GADL1: variants seen among roughly 807,000 people sequenced by gnomAD.
GADL1 encodes the protein acidic amino acid decarboxylase GADL1.
A neutral mutation model predicts 69.5 loss-of-function variants in GADL1; 71 were observed. That is an observed-to-expected ratio of 1.02 (90% confidence interval 0.84 to 1.25). GADL1 has a LOEUF of 1.25. Ranked by LOEUF, GADL1 falls within the 50% of genes most tolerant of loss-of-function variation. The probability of loss-of-function intolerance (pLI) is 0.00; values close to 1 mark genes in which losing one functional copy is unlikely to be tolerated. For synonymous variants in GADL1, 254 were observed against 214.4 expected (o/e 1.18, Z -1.62); for missense variants, 737 against 631.8 (o/e 1.17, Z -1.79).
chr3:30,805,049 C>T (rs1310275533), intron 11 of GADL1, among the ~76,000 whole-genome samples: 1 of 152,190 alleles, frequency 6.6e-6, no homozygotes, highest in African/African-American at 2.4e-5. Flanking sequence ...TTTACTTTCC[C>T]TCTTTGCAAT....
chr3:30,805,827 G>T (rs567293643), intron 11 of GADL1, among the ~76,000 whole-genome samples: 4 of 149,412 alleles, frequency 2.7e-5, no homozygotes, highest in African/African-American at 9.9e-5. Context: ...TGGGGGAGAT[G>T]GTTTCAGGAA....
At chr3:30,812,579 C>G (rs1697378363) in intron 11 of GADL1, among the ~76,000 whole-genome samples, 1 of 152,104 alleles carries the variant, frequency 6.6e-6, no homozygotes, top group Non-Finnish European at 1.5e-5. Context: ...CTGGGTCCTC[C>G]CACAACACAA....
In GADL1 at chr3:30,854,269, G is replaced by A. The variant is rs527639992; in HGVS notation, c.428+430C>T. Among the ~76,000 whole-genome samples the A allele has an allele frequency of 2.4e-4, 37 of 152,242 alleles. No homozygotes were observed. The South Asian group carries it at 3.3e-3, about 14-fold the overall frequency. On this transcript the variant is annotated intron_variant, in intron 4 of 14. Transcript: ENST00000282538. Reference sequence around the variant, plus strand: ...TTCATATGAATACTTAGAACACTTTGTACTTTTCCTTCAGATGAGAGTTTG... The same window carrying A: ...TTCATATGAATACTTAGAACACTTTATACTTTTCCTTCAGATGAGAGTTTG...
chr3:30,825,002 C>CT (rs1292497010), intron 11 of GADL1, among the ~76,000 whole-genome samples: 5 of 151,858 alleles, frequency 3.3e-5, no homozygotes, highest in Admixed American at 2.0e-4. Context: ...AGAGAATGAA[C>CT]TACCAGGGAG....
chr3:30,849,806 T>C (rs2125531552), intron 6 of GADL1, among the ~76,000 whole-genome samples, 190 bp downstream of exon 6: 1 of 152,312 alleles, frequency 6.6e-6, no homozygotes, highest in Admixed American at 6.5e-5. Flanking sequence ...TAAAGGTAAT[T>C]ATACAAAATT....
At chr3:30,856,876 T>C in intron 3 of GADL1, 139 bp downstream of exon 3, 1 of 660,496 alleles carries the variant, frequency 1.5e-6, no homozygotes, top group Non-Finnish European at 2.5e-6. Flanking sequence ...AAAGGGACCA[T>C]TGCAAAAACA....
In GADL1 at chr3:30,727,439, TATAATTTTAACTTTTGAGAATGG is replaced by T. The variant is rs1695386845; in HGVS notation, c.*780_*802del. On this transcript the variant is annotated 3_prime_UTR_variant, in exon 15 of 15. Coordinates refer to ENST00000282538, the MANE Select transcript of GADL1 (RefSeq NM_207359.3). ...GTGTGTGTGTATATATATATATATA[TATAATTTTAACTTTTGAGAATGG>T]ATAATTTTAACTTTTGAGATAAACA... 2 of 149,706 alleles carry T rather than the reference TATAATTTTAACTTTTGAGAATGG, an allele frequency of 1.3e-5. No homozygotes were observed. The highest frequency in any genetic ancestry group is 2.4e-5 in the African/African-American group (1 of 41,050). 9.3% of individuals were successfully genotyped at this position (149,706 alleles called of 1,614,324 possible).
At chr3:30,812,862 G>A (rs1697387716) in intron 11 of GADL1, among the ~76,000 whole-genome samples, 1 of 152,036 alleles carries the variant, frequency 6.6e-6, no homozygotes, top group African/African-American at 2.4e-5. Flanking sequence ...AGGATTGGGA[G>A]GAGGACAGGA....
intron 14 of GADL1, among the ~76,000 whole-genome samples, chr3:30,729,748 C>G (rs2125467827): frequency 6.6e-6 from 1 of 152,306 alleles, no homozygotes; most frequent in African/African-American, 2.4e-5. Flanking sequence ...AACCACAGAG[C>G]CTTCTCAAAG....
chr3:30,875,229 G>A (rs1212311612), intron 1 of GADL1, among the ~76,000 whole-genome samples: 10 of 146,134 alleles, frequency 6.8e-5, no homozygotes, highest in African/African-American at 1.8e-4. Context: ...AAAAAAAAAA[G>A]CTCACCTCTT....
chr3:30,771,776 T>A (rs1696424975), intron 14 of GADL1, among the ~76,000 whole-genome samples: 2 of 152,134 alleles, frequency 1.3e-5, no homozygotes. Flanking sequence ...AAAATCAGAG[T>A]TCTGAAAAAT....
chr3:30,758,633 G>A (rs1181625311), intron 14 of GADL1, among the ~76,000 whole-genome samples: 1 of 152,156 alleles, frequency 6.6e-6, no homozygotes, highest in African/African-American at 2.4e-5. Flanking sequence ...GACCTTCTAC[G>A]AATATATCAA....
intron 8 of GADL1, 45 bp downstream of exon 8, chr3:30,844,165 G>GGACA: frequency 6.8e-7 from 1 of 1,481,410 alleles, no homozygotes; most frequent in Non-Finnish European, 9.3e-7. Context: ...GGGCGTGCGC[G>GGACA]CACACACACA....
At chr3:30,810,979 T>C (rs929390570) in intron 11 of GADL1, among the ~76,000 whole-genome samples, 2 of 152,128 alleles carry the variant, frequency 1.3e-5, no homozygotes, top group Non-Finnish European at 2.9e-5. Context: ...ACTGGATCAG[T>C]TTATCATCTG....
chr3:30,808,466 C>T (rs1697295017), intron 11 of GADL1, among the ~76,000 whole-genome samples: 1 of 149,210 alleles, frequency 6.7e-6, no homozygotes, highest in Non-Finnish European at 1.5e-5. Context: ...TTACTGCACG[C>T]TGGCCTGGGC....
At chr3:30,800,580 A>G (rs1697137817) in intron 12 of GADL1, 3 of 352,824 alleles carry the variant, frequency 8.5e-6, no homozygotes, top group Non-Finnish European at 1.6e-5. Context: ...CTCCTGATTG[A>G]TCTTGGACTC....
intron 14 of GADL1, among the ~76,000 whole-genome samples, chr3:30,754,474 G>A (rs568396026): frequency 2.1e-5 from 3 of 144,688 alleles, no homozygotes; most frequent in African/African-American, 7.3e-5. Context: ...TGCCAATGAC[G>A]GACTCTCGAA....
chr3:30,761,666 TAAA>T (rs905540116), intron 14 of GADL1, among the ~76,000 whole-genome samples: 4 of 151,860 alleles, frequency 2.6e-5, no homozygotes, highest in Admixed American at 6.6e-5. Flanking sequence ...AGTAACTTTT[TAAA>T]AAAGGAATGA....
chr3:30,829,151 A>G (rs1190773323), intron 11 of GADL1, among the ~76,000 whole-genome samples: 1 of 146,110 alleles, frequency 6.8e-6, no homozygotes, highest in East Asian at 1.9e-4. Flanking sequence ...CAAATCCCGC[A>G]TTTACCTCTG....
Sources: allele counts gnomAD v4.1 joint callset (sites outside exome capture counted in the v4.1 genomes callset), GRCh38; gene constraint gnomAD v4.1.1; transcripts MANE v1.5; gene names NCBI Gene and HGNC (gene_info 2026-07-23, HGNC 2026-07-21).